The following GMDS variants were observed in gnomAD, a reference collection of about 807,000 sequenced individuals.
GMDS encodes GDP-mannose 4,6-dehydratase, also known as GDP-mannose 4,6 dehydratase.
In GMDS, 20 loss-of-function variants were observed where a neutral mutation model predicts 49.9. That is an observed-to-expected ratio of 0.40 (90% CI 0.28 to 0.58). GMDS has a LOEUF of 0.58. Ranked by LOEUF, GMDS falls within the 20% of genes least tolerant of loss-of-function variation. GMDS has a pLI of 0.42. For synonymous variants in GMDS, 177 were observed against 178.6 expected (o/e 0.99, Z 0.07); for missense variants, 362 against 481.4 (o/e 0.75, Z 2.32).
chr6:1,658,228 C>T (rs1049092837), intron 9 of GMDS, among the ~76,000 whole-genome samples: 1 of 152,220 alleles, frequency 6.6e-6, no homozygotes, highest in African/African-American at 2.4e-5. Flanking sequence ...ATCTCTTCAC[C>T]GGGATTGGGA....
At chr6:2,034,338 C>T (rs1375859513) in intron 4 of GMDS, among the ~76,000 whole-genome samples, 1 of 151,986 alleles carries the variant, frequency 6.6e-6, no homozygotes, top group Non-Finnish European at 1.5e-5. Context: ...TTACATGAAA[C>T]GTCTAGAATG....
chr6:1,742,783 T>C (rs1280134710), intron 7 of GMDS, among the ~76,000 whole-genome samples, 197 bp from the exon 8 acceptor site: 1 of 152,230 alleles, frequency 6.6e-6, no homozygotes, highest in East Asian at 1.9e-4. Flanking sequence ...TTGGTGTGGA[T>C]GCCAGGGCTG....
chr6:2,070,274 G>A (rs1365863550), intron 4 of GMDS, among the ~76,000 whole-genome samples: 3 of 124,024 alleles, frequency 2.4e-5, no homozygotes, highest in Non-Finnish European at 1.7e-5. Flanking sequence ...GTTGTGGGGT[G>A]GGGGGAGGGG....
chr6:1,861,766 G>C (rs1758198836), intron 7 of GMDS, among the ~76,000 whole-genome samples: 1 of 152,168 alleles, frequency 6.6e-6, no homozygotes, highest in Admixed American at 6.5e-5. Context: ...GCCAACATAA[G>C]AGAATGGGAA....
intron 4 of GMDS, among the ~76,000 whole-genome samples, chr6:2,049,217 G>A (rs1770213406): frequency 6.6e-6 from 1 of 152,130 alleles, no homozygotes; most frequent in South Asian, 2.1e-4. Flanking sequence ...CAAAAATTAT[G>A]TATTATTCCA....
At chr6:1,630,592 T>C (rs1452880597) in intron 9 of GMDS, among the ~76,000 whole-genome samples, 2 of 152,232 alleles carry the variant, frequency 1.3e-5, no homozygotes, top group African/African-American at 4.8e-5. Flanking sequence ...GGGAAGCTTT[T>C]GGGGAGCTGC....
chr6:2,102,699 CAACCTTTTAATCTAA>C (rs550962211), intron 4 of GMDS, among the ~76,000 whole-genome samples: 68 of 152,262 alleles, frequency 4.5e-4, no homozygotes, highest in African/African-American at 1.6e-3. Context: ...TGTTTTTAAA[CAACCTTTTAATCTAA>C]AACCCATTTG....
chr6:2,078,342 G>A (rs2127465350), intron 4 of GMDS, among the ~76,000 whole-genome samples: 1 of 151,922 alleles, frequency 6.6e-6, no homozygotes, highest in South Asian at 2.1e-4. Flanking sequence ...TGCTTTTCTA[G>A]TTTCTTGAGG....
At chr6:1,630,778 G>A (rs1762976873) in intron 9 of GMDS, among the ~76,000 whole-genome samples, 2 of 152,166 alleles carry the variant, frequency 1.3e-5, no homozygotes, top group African/African-American at 4.8e-5. Flanking sequence ...TTGATCCGGT[G>A]CTTACAGTAG....
At chr6:1,847,742 T>A (rs1269661707) in intron 7 of GMDS, among the ~76,000 whole-genome samples, 1 of 152,228 alleles carries the variant, frequency 6.6e-6, no homozygotes, top group Non-Finnish European at 1.5e-5. Context: ...CTTAATTCAT[T>A]TTTCACTTTG....
At chr6:2,046,522 C>T (rs1487512003) in intron 4 of GMDS, among the ~76,000 whole-genome samples, 5 of 152,124 alleles carry the variant, frequency 3.3e-5, no homozygotes, top group East Asian at 3.9e-4. Context: ...GGCAGTTATG[C>T]GATCTTTGCT....
chr6:1,818,713 C>T (rs1770771765), intron 7 of GMDS, among the ~76,000 whole-genome samples: 1 of 150,932 alleles, frequency 6.6e-6, no homozygotes, highest in Non-Finnish European at 1.5e-5. Flanking sequence ...TACATATATA[C>T]ACATGCATAT....
At chr6:1,953,802 C>A (rs889523064) in intron 6 of GMDS, among the ~76,000 whole-genome samples, 1 of 151,986 alleles carries the variant, frequency 6.6e-6, no homozygotes, top group African/African-American at 2.4e-5. Flanking sequence ...AACTAATATA[C>A]TTATTTATGA....
At chr6:1,691,334 G>GGA (rs1765162888) in intron 9 of GMDS, among the ~76,000 whole-genome samples, 12 of 151,782 alleles carry the variant, frequency 7.9e-5, no homozygotes, top group African/African-American at 2.9e-4. Flanking sequence ...ACGGGGAGGG[G>GGA]CACACACACT....
intron 9 of GMDS, among the ~76,000 whole-genome samples, chr6:1,698,787 CT>C (rs10641587): frequency 5.0e-4 from 66 of 133,034 alleles, no homozygotes; most frequent in East Asian, 1.1e-3. Context: ...CCTGGTTTCC[CT>C]TTTTTTTTTT....
In GMDS at chr6:2,020,908, C is replaced by A. The variant is rs138622192; in HGVS notation, c.346-59942G>T. 4.7e-3 allele frequency among the ~76,000 whole-genome samples: 719 copies of A among 152,316 alleles called. 9 individuals are homozygous for A. Among genetic ancestry groups the A allele is most frequent in the Middle Eastern group, 0.037 (11 of 294 alleles). ...TTACTTTAAAAACTTTAAACCCCAG[C>A]GCTGCATATGTGCTTATCTACTACT... On this transcript the variant is annotated intron_variant, in intron 4 of 10. Coordinates refer to ENST00000380815, the MANE Select transcript of GMDS (RefSeq NM_001500.4).
chr6:2,054,854 T>G, intron 4 of GMDS, among the ~76,000 whole-genome samples: 1 of 151,034 alleles, frequency 6.6e-6, no homozygotes, highest in Non-Finnish European at 1.5e-5. Context: ...CAGAAGAAAA[T>G]CAATGAAGAC....
intron 7 of GMDS, among the ~76,000 whole-genome samples, chr6:1,926,745 G>A (rs1235310655): frequency 1.3e-5 from 2 of 152,236 alleles, no homozygotes; most frequent in African/African-American, 2.4e-5. Flanking sequence ...AAAACGGAGG[G>A]TACCAAGCTA....
chr6:2,173,245 T>C (rs1448110072), intron 1 of GMDS, among the ~76,000 whole-genome samples: 1 of 152,226 alleles, frequency 6.6e-6, no homozygotes, highest in African/African-American at 2.4e-5. Flanking sequence ...AAAATCTTCC[T>C]GCCTACTTGC....
Sources: gnomAD v4.1 joint callset for allele counts (sites outside exome capture counted in the v4.1 genomes callset) on GRCh38, gnomAD v4.1.1 for gene constraint, MANE v1.5 for transcripts, NCBI Gene and HGNC (gene_info 2026-07-23, HGNC 2026-07-21) for gene names.